CNOT7: variants seen among roughly 807,000 people sequenced by gnomAD.
The protein encoded by CNOT7 is BTG1-binding factor 1.
Under a neutral mutation model 37.1 loss-of-function variants are expected in CNOT7, and 4 were observed. That is an observed-to-expected ratio of 0.11 (90% CI 0.05 to 0.25). CNOT7 has a LOEUF of 0.25. Ranked by LOEUF, CNOT7 falls within the 10% of genes least tolerant of loss-of-function variation. CNOT7 has a pLI of 1.00. For missense variants in CNOT7, 170 were observed against 336.2 expected, an observed-to-expected ratio of 0.51 and a Z score of 3.87; for synonymous variants, 128 against 115.6, an observed-to-expected ratio of 1.11 and a Z score of -0.69.
rs1042388559 is a variant in CNOT7, at chr8:17,226,268, G to C, written c.*4452C>G. ...GGCAGGGGACGGGAGGTAACATTTT[G>C]CTCAATTTGGGCTGAAAGTTGGTAT... On this transcript the variant is annotated 3_prime_UTR_variant, in exon 7 of 7. Transcript: ENST00000361272. 1 of 151,044 alleles carries C rather than the reference G, an allele frequency of 6.6e-6. No homozygotes were observed. Among genetic ancestry groups the C allele is most frequent in the Non-Finnish European group, 1.5e-5 (1 of 67,486 alleles). 9.4% of individuals were successfully genotyped at this position (151,044 alleles called of 1,614,324 possible). A position where few individuals can be genotyped will look rare whatever the true frequency, so the allele number is the denominator to read the frequency against.
intron 6 of CNOT7, chr8:17,231,747 T>C (rs1808648229): frequency 1.0e-6 from 1 of 985,494 alleles, no homozygotes; most frequent in Non-Finnish European, 1.2e-6. Flanking sequence ...TAGGAGTAGA[T>C]AATGGGTTCA....
Position 17,229,481 on chromosome 8 carries a change from C to T in CNOT7, c.*1239G>A, listed in dbSNP as rs6837. 0.39 allele frequency: 58,906 copies of T among 151,772 alleles called. 14,413 individuals are homozygous for T. The highest frequency in any genetic ancestry group is 0.55 in the Non-Finnish European group (37,141 of 67,610). 9.4% of individuals were successfully genotyped at this position (151,772 alleles called of 1,614,324 possible). ...ATTTCGGGGTAGAGTTAATGATTAC[C>T]GTAAAGTCTTCCTACACATGCTCTG... On this transcript the variant is annotated 3_prime_UTR_variant, in exon 7 of 7. Transcript: ENST00000361272.
At chr8:17,237,932 G>A (rs1421418852) in intron 3 of CNOT7, among the ~76,000 whole-genome samples, 1 of 152,188 alleles carries the variant, frequency 6.6e-6, no homozygotes, top group African/African-American at 2.4e-5. Context: ...CCTCCAATAA[G>A]CAACACTGTA....
At chr8:17,237,429 G>C (rs1365806293) in intron 3 of CNOT7, 56 bp from the exon 4 acceptor site, 21 of 1,536,236 alleles carry the variant, frequency 1.4e-5, no homozygotes, top group Non-Finnish European at 1.9e-5. Flanking sequence ...CAAACAAGCT[G>C]TTCTTCTGCT....
At chr8:17,233,675 A>G (rs534382240) in intron 5 of CNOT7, among the ~76,000 whole-genome samples, 1 of 152,324 alleles carries the variant, frequency 6.6e-6, no homozygotes, top group East Asian at 1.9e-4. Context: ...TTTCTCAAGC[A>G]AGGGATACCC....
intron 3 of CNOT7, among the ~76,000 whole-genome samples, chr8:17,237,838 G>A (rs1244256627): frequency 1.3e-5 from 2 of 152,226 alleles, no homozygotes; most frequent in African/African-American, 2.4e-5. Flanking sequence ...GAGACCCAGT[G>A]GAAAATGTCT....
chr8:17,237,671 G>A (rs1809559454), intron 3 of CNOT7: 2 of 242,278 alleles, frequency 8.3e-6, no homozygotes, highest in African/African-American at 4.5e-5. Context: ...GTTTGGAAAA[G>A]GGTCTCCTAT....
chr8:17,237,903 C>A (rs996264748), intron 3 of CNOT7, among the ~76,000 whole-genome samples: 3 of 152,264 alleles, frequency 2.0e-5, no homozygotes, highest in Non-Finnish European at 4.4e-5. Context: ...CCTCCTTTCA[C>A]AAATGAGCCT....
Position 17,226,558 on chromosome 8 carries a change from C to T in CNOT7, c.*4162G>A, listed in dbSNP as rs1187405491. On this transcript the variant is annotated 3_prime_UTR_variant, in exon 7 of 7. Transcript: ENST00000361272. ...TTTCCAACAGAAGATTAAGAGGAAA[C>T]TTTAAAAGCATTTAATTGCAGTTAA... 6.6e-6 allele frequency: 1 copy of T among 151,544 alleles called. No homozygotes were observed. Among genetic ancestry groups the T allele is most frequent in the African/African-American group, 2.4e-5 (1 of 41,350 alleles). The allele number at this position is 151,544 out of a possible 1,614,324, so 9.4% of individuals were successfully genotyped here. A position where few individuals can be genotyped will look rare whatever the true frequency, so the allele number is the denominator to read the frequency against.
rs1271356503 is a variant in CNOT7, at chr8:17,226,932, T to A, written c.*3788A>T. The A allele has an allele frequency of 1.5e-4, 23 of 150,432 alleles. No homozygotes were observed. Among genetic ancestry groups the A allele is most frequent in the African/African-American group, 5.4e-4 (22 of 40,980 alleles). The allele number at this position is 150,432 out of a possible 1,614,324, so 9.3% of individuals were successfully genotyped here. A position where few individuals can be genotyped will look rare whatever the true frequency, so the allele number is the denominator to read the frequency against. ...AATGTCAGCCCAGAGCCCAAAAAAA[T>A]AAAAATAAATCTTTAGCACTGCTAA... On this transcript the variant is annotated 3_prime_UTR_variant, in exon 7 of 7. Coordinates refer to ENST00000361272, the MANE Select transcript of CNOT7 (RefSeq NM_013354.7).
chr8:17,231,258 C>T (rs1448608052), intron 6 of CNOT7, among the ~76,000 whole-genome samples: 1 of 151,990 alleles, frequency 6.6e-6, no homozygotes, highest in East Asian at 1.9e-4. Context: ...ATGATCAAAC[C>T]ATAAAGTCAT....
chr8:17,231,027 G>A (rs1259282790), intron 6 of CNOT7, among the ~76,000 whole-genome samples, 179 bp from the exon 7 acceptor site: 3 of 152,030 alleles, frequency 2.0e-5, no homozygotes, highest in Non-Finnish European at 2.9e-5. Flanking sequence ...GTCCTCAAAA[G>A]TACAGAGCTC....
rs1022984337 is a variant in CNOT7 at position 17,227,878 on chromosome 8, C to G, written c.*2842G>C. 1 of 151,876 alleles carries G rather than the reference C, an allele frequency of 6.6e-6. No individual in the cohort carries two copies. Among genetic ancestry groups the G allele is most frequent in the Admixed American group, 6.6e-5 (1 of 15,220 alleles). 9.4% of individuals were successfully genotyped at this position (151,876 alleles called of 1,614,324 possible). A position where few individuals can be genotyped will look rare whatever the true frequency, so the allele number is the denominator to read the frequency against. Reference sequence around the variant, plus strand: ...ACTGGTAGCAGAAAAAGTAATAAATCTAGCAATACACAGGGCATTCCAAAT... The same window carrying G: ...ACTGGTAGCAGAAAAAGTAATAAATGTAGCAATACACAGGGCATTCCAAAT... On this transcript the variant is annotated 3_prime_UTR_variant, in exon 7 of 7. Transcript: ENST00000361272.
Position 17,245,188 on chromosome 8 carries a change from A to C in CNOT7, c.-36T>G. The C allele has an allele frequency of 6.3e-7, 1 of 1,574,854 alleles. No individual in the cohort carries two copies. The highest frequency in any genetic ancestry group is 2.3e-5 in the East Asian group (1 of 44,202). The stretch of plus-strand genomic sequence containing the variant: ...CAAGGGAGTCTAGATGCCAAGCATC[A>C]AAATGTTATACTTGATTGAAGATTT... On this transcript the variant is annotated 5_prime_UTR_variant, in exon 2 of 7. Coordinates refer to ENST00000361272, the MANE Select transcript of CNOT7 (RefSeq NM_013354.7).
intron 2 of CNOT7, chr8:17,244,704 G>A (rs567693284): frequency 5.7e-5 from 11 of 193,816 alleles, no homozygotes; most frequent in Middle Eastern, 1.8e-3. Flanking sequence ...CCAGCTTCCC[G>A]AACACATCCA....
chr8:17,243,351 A>C, intron 2 of CNOT7, 166 bp from the exon 3 acceptor site: 1 of 641,816 alleles, frequency 1.6e-6, no homozygotes. Flanking sequence ...TTTTAGAACC[A>C]TAAAACTCTA....
intron 1 of CNOT7, chr8:17,246,265 G>GA (rs1306312118): frequency 1.3e-5 from 2 of 152,280 alleles, no homozygotes; most frequent in Admixed American, 1.3e-4. Flanking sequence ...GTTTCCCAGA[G>GA]AAACGAGAGG....
At chr8:17,236,040 A>T (rs1424508338) in intron 4 of CNOT7, among the ~76,000 whole-genome samples, 2 of 151,978 alleles carry the variant, frequency 1.3e-5, no homozygotes, top group East Asian at 1.9e-4. Flanking sequence ...AAAAATGACT[A>T]AAAAAAAGGT....
rs1808419688 is a variant in CNOT7, at chr8:17,229,919, C to G, written c.*801G>C. Reference sequence around the variant, plus strand: ...GTGTGCTATCATAAAATAACTGTAGCTTCAACATCTTGAGTACCAGTTTCC... The same window carrying G: ...GTGTGCTATCATAAAATAACTGTAGGTTCAACATCTTGAGTACCAGTTTCC... On this transcript the variant is annotated 3_prime_UTR_variant, in exon 7 of 7. Coordinates refer to ENST00000361272, the MANE Select transcript of CNOT7 (RefSeq NM_013354.7). 1 of 151,574 alleles carries G rather than the reference C, an allele frequency of 6.6e-6. No individual in the cohort carries two copies. Among genetic ancestry groups the G allele is most frequent in the South Asian group, 2.1e-4 (1 of 4,808 alleles). The allele number at this position is 151,574 out of a possible 1,614,324, so 9.4% of individuals were successfully genotyped here.
Sources: allele counts gnomAD v4.1 joint callset (sites outside exome capture counted in the v4.1 genomes callset), GRCh38; gene constraint gnomAD v4.1.1; transcripts MANE v1.5; gene names NCBI Gene and HGNC (gene_info 2026-07-23, HGNC 2026-07-21).